The following KCNB2 variants were observed in gnomAD, a reference collection of about 807,000 sequenced individuals.
KCNB2 encodes delayed rectifier potassium channel protein.
A neutral mutation model predicts 61.5 loss-of-function variants in KCNB2; 15 were observed. That is an observed-to-expected ratio of 0.24 (90% CI 0.16 to 0.38). The LOEUF (loss-of-function observed/expected upper bound fraction) is 0.38. Ranked by LOEUF, KCNB2 falls within the 10% of genes least tolerant of loss-of-function variation. The probability of loss-of-function intolerance (pLI) is 1.00; values close to 1 mark genes in which losing one functional copy is unlikely to be tolerated. For missense variants in KCNB2, 828 were observed against 1,125.2 expected (o/e 0.74, Z 3.78); for synonymous variants, 457 against 446.0 (o/e 1.02, Z -0.31).
intron 2 of KCNB2, among the ~76,000 whole-genome samples, chr8:72,715,253 G>A (rs1165724848): frequency 3.9e-5 from 6 of 152,074 alleles, no homozygotes; most frequent in East Asian, 3.9e-4. Context: ...ACAGATCAAC[G>A]AGACAGAACG....
At chr8:72,873,701 G>C (rs538244251) in intron 2 of KCNB2, among the ~76,000 whole-genome samples, 4 of 152,346 alleles carry the variant, frequency 2.6e-5, no homozygotes, top group Non-Finnish European at 5.9e-5. Flanking sequence ...CAGCACTGGG[G>C]ACAAAGAGAA....
At chr8:72,904,833 A>T (rs1268914782) in intron 2 of KCNB2, among the ~76,000 whole-genome samples, 2 of 151,564 alleles carry the variant, frequency 1.3e-5, no homozygotes, top group Non-Finnish European at 2.9e-5. Flanking sequence ...CTCTGCCCTT[A>T]CTTGCCTCCT....
chr8:72,573,859 A>G (rs1282348736), intron 2 of KCNB2, among the ~76,000 whole-genome samples: 1 of 152,174 alleles, frequency 6.6e-6, no homozygotes, highest in Non-Finnish European at 1.5e-5. Flanking sequence ...GCTAATTAGC[A>G]TGCCAGTCAC....
intron 1 of KCNB2, among the ~76,000 whole-genome samples, chr8:72,549,341 GTTAGCGA>G (rs1806308645): frequency 6.6e-6 from 1 of 152,220 alleles, no homozygotes; most frequent in Admixed American, 6.5e-5. Context: ...ACACCAGAAT[GTTAGCGA>G]TTTGGCATAA....
At chr8:72,845,146 T>C (rs1054106297) in intron 2 of KCNB2, among the ~76,000 whole-genome samples, 1 of 152,202 alleles carries the variant, frequency 6.6e-6, no homozygotes, top group African/African-American at 2.4e-5. Flanking sequence ...CTTTTGTTGA[T>C]GTTGATGCTA....
intron 2 of KCNB2, among the ~76,000 whole-genome samples, chr8:72,905,945 C>T (rs937684989): frequency 1.3e-5 from 2 of 152,162 alleles, no homozygotes; most frequent in Non-Finnish European, 2.9e-5. Flanking sequence ...CTGCCCATAG[C>T]AGGGACAATT....
At chr8:72,751,442 AT>A (rs1427333141) in intron 2 of KCNB2, 2 of 152,188 alleles carry the variant, frequency 1.3e-5, no homozygotes, top group African/African-American at 4.8e-5. Context: ...TAGAGCTGAA[AT>A]TTGAACTCAA....
chr8:72,691,054 T>C lies in KCNB2; in HGVS notation c.579+122741T>C, dbSNP rs550593710. Among the ~76,000 whole-genome samples, 330 of 152,334 alleles carry C rather than the reference T, an allele frequency of 2.2e-3. 1 individual carries two copies. The highest frequency in any genetic ancestry group is 7.4e-3 in the African/African-American group (308 of 41,596). On this transcript the variant is annotated intron_variant, in intron 2 of 2. Coordinates refer to ENST00000523207, the MANE Select transcript of KCNB2 (RefSeq NM_004770.3). The stretch of plus-strand genomic sequence containing the variant: ...CGACTTGGTGCCCGTTTTCATATGA[T>C]GGGCTGGTTCGACTCCCCCAGGCTA...
chr8:72,864,030 T>C (rs1805467487), intron 2 of KCNB2, among the ~76,000 whole-genome samples: 1 of 152,138 alleles, frequency 6.6e-6, no homozygotes. Context: ...GGGGGAATAG[T>C]CGCTTTTTGC....
At chr8:72,901,000 C>T (rs1440536244) in intron 2 of KCNB2, among the ~76,000 whole-genome samples, 1 of 151,976 alleles carries the variant, frequency 6.6e-6, no homozygotes, top group African/African-American at 2.4e-5. Context: ...GGGTATATAC[C>T]CAAATAAATC....
intron 2 of KCNB2, among the ~76,000 whole-genome samples, chr8:72,912,489 C>CATATATATATAT (rs5892374): frequency 2.3e-4 from 32 of 137,318 alleles, no homozygotes; most frequent in African/African-American, 6.6e-4. Context: ...AGCTTTTATT[C>CATATATATATAT]ATATATATAT....
At chr8:72,568,550 C>A (rs952508197) in intron 2 of KCNB2, among the ~76,000 whole-genome samples, 3 of 152,134 alleles carry the variant, frequency 2.0e-5, no homozygotes, top group East Asian at 1.9e-4. Context: ...GGGGCCTGGG[C>A]AACAGAGGAT....
chr8:72,780,069 A>T (rs1808729176), intron 2 of KCNB2, among the ~76,000 whole-genome samples: 1 of 152,196 alleles, frequency 6.6e-6, no homozygotes, highest in Non-Finnish European at 1.5e-5. Context: ...CTCTATGTCT[A>T]AAGTGTTATT....
At chr8:72,589,107 G>A (rs1807047128) in intron 2 of KCNB2, among the ~76,000 whole-genome samples, 1 of 152,100 alleles carries the variant, frequency 6.6e-6, no homozygotes, top group South Asian at 2.1e-4. Flanking sequence ...AAAGGACAGG[G>A]AGCTCAGCTG....
chr8:72,599,200 A>G lies in KCNB2; in HGVS notation c.579+30887A>G, dbSNP rs529316001. Among the ~76,000 whole-genome samples the G allele has an allele frequency of 3.9e-5, 6 of 152,302 alleles. 1 individual carries two copies. The East Asian group carries it at 9.7e-4, about 25-fold the overall frequency. On this transcript the variant is annotated intron_variant, in intron 2 of 2. Transcript: ENST00000523207. ...ATCATGCTACCTGACTTCAAACTAT[A>G]CTACAAGGCTACAGTAACCAAAACA...
chr8:72,764,245 A>T (rs1428277727), intron 2 of KCNB2, among the ~76,000 whole-genome samples: 1 of 152,198 alleles, frequency 6.6e-6, no homozygotes, highest in Non-Finnish European at 1.5e-5. Context: ...GGCAACCAGC[A>T]CCTGACTGGA....
At chr8:72,667,006 T>TGTGTGTGTGTGAGA (rs141712140) in intron 2 of KCNB2, among the ~76,000 whole-genome samples, 7 of 147,830 alleles carry the variant, frequency 4.7e-5, no homozygotes, top group African/African-American at 1.8e-4. Context: ...TGTGTGTGTG[T>TGTGTGTGTGTGAGA]GAGAGAGAGA....
intron 2 of KCNB2, among the ~76,000 whole-genome samples, chr8:72,867,639 C>T (rs964573989): frequency 2.0e-5 from 3 of 152,186 alleles, no homozygotes; most frequent in African/African-American, 7.2e-5. Flanking sequence ...ATGAATATAA[C>T]TAGTGAGTTG....
chr8:72,618,884 T>C, intron 2 of KCNB2: 1 of 290,998 alleles, frequency 3.4e-6, no homozygotes, highest in Non-Finnish European at 6.9e-6. Context: ...GTTTTAACTC[T>C]GCCAGTTTCT....
Sources: gnomAD v4.1 joint callset for allele counts (sites outside exome capture counted in the v4.1 genomes callset) on GRCh38, gnomAD v4.1.1 for gene constraint, MANE v1.5 for transcripts, NCBI Gene and HGNC (gene_info 2026-07-23, HGNC 2026-07-21) for gene names.